Variants in STIL observed in about 807,000 individuals in gnomAD.
STIL encodes STIL centriolar assembly protein, also known as SCL-interrupting locus protein.
STIL carries 55 observed loss-of-function variants against 110.1 expected under a neutral mutation model. That is an observed-to-expected ratio of 0.50 (90% CI 0.40 to 0.63). STIL has a LOEUF of 0.63. STIL is among the 20% of genes least tolerant of loss of function. The pLI, the probability that STIL is intolerant of heterozygous loss-of-function variation, is 0.00. For synonymous variants in STIL, 481 were observed against 530.0 expected, an observed-to-expected ratio of 0.91 and a Z score of 1.27; for missense variants, 1,358 against 1,530.0, an observed-to-expected ratio of 0.89 and a Z score of 1.87.
At chr1:47,270,251 T>TACACACACACAC (rs1223004051) in intron 13 of STIL, among the ~76,000 whole-genome samples, 134 of 119,192 alleles carry the variant, frequency 1.1e-3, no homozygotes, top group Non-Finnish European at 1.7e-3. Context: ...AATATATATA[T>TACACACACACAC]ATATACACAC....
intron 2 of STIL, among the ~76,000 whole-genome samples, chr1:47,309,422 T>A (rs1478608371): frequency 2.0e-5 from 3 of 151,946 alleles, no homozygotes; most frequent in African/African-American, 7.3e-5. Context: ...ATAAGCCACC[T>A]TGCCCACCGA....
At position 47,288,024 on chromosome 1, in the gene STIL, G is replaced by T. The variant is rs1185975269; in HGVS notation, c.1024-364C>A. ...AAATGTATATAATATATAATATAAA[G>T]GTATTTTATATATAACATATATGTA... is the stretch of plus-strand genomic sequence containing the variant. On this transcript the variant is annotated intron_variant, in intron 9 of 16. Coordinates refer to ENST00000371877, the MANE Select transcript of STIL (RefSeq NM_001048166.1). Among the ~76,000 whole-genome samples the T allele has an allele frequency of 4.1e-5, 6 of 145,978 alleles. No individual in the cohort carries two copies. In the South Asian group the frequency reaches 6.4e-4, roughly 15 times the overall value.
At position 47,293,472 on chromosome 1, in the gene STIL, A is replaced by C. The variant is rs1645552928; in HGVS notation, c.858T>G (p.Ser286=). Residue 286 remains serine, a synonymous_variant, in exon 8 of 17, where the codon TCT becomes TCG. Coordinates refer to ENST00000371877, the MANE Select transcript of STIL (RefSeq NM_001048166.1). ...ATATCACTTGCCTTTCTTGAACAGA[A>C]GAATTGAATATGTATCGCAAACAGC... The part of the protein sequence containing the change: ...WACCLRYIFN[S]SVQERVFSES... 2 of 1,613,014 alleles carry C rather than the reference A, an allele frequency of 1.2e-6. No homozygotes were observed. The highest frequency in any genetic ancestry group is 2.2e-5 in the South Asian group (2 of 91,064).
Position 47,285,933 on chromosome 1 carries a change from G to A in STIL, c.1133+1618C>T, listed in dbSNP as rs190015736. Among the ~76,000 whole-genome samples, 9 of 151,968 alleles carry A rather than the reference G, an allele frequency of 5.9e-5. No individual in the cohort carries two copies. The East Asian group carries it at 1.7e-3, about 29-fold the overall frequency. On this transcript the variant is annotated intron_variant, in intron 10 of 16. Transcript: ENST00000371877. Reference sequence around the variant, plus strand: ...TCTGTTGCCCAGGCTGAAGTGCAGTGGCGCAATCTCAGCTCACTGCAACCT... The same window carrying A: ...TCTGTTGCCCAGGCTGAAGTGCAGTAGCGCAATCTCAGCTCACTGCAACCT...
chr1:47,259,131 C>T (rs375260978), intron 16 of STIL, among the ~76,000 whole-genome samples: 2 of 150,386 alleles, frequency 1.3e-5, no homozygotes, highest in Non-Finnish European at 1.5e-5. Flanking sequence ...GGACTACAGG[C>T]GCCCACCACC....
chr1:47,280,573 T>C lies in STIL; in HGVS notation c.1885A>G (p.Ile629Val), dbSNP rs1383739551. ...AGGGCTTCAGACTGGACATCTTGAATGGATCCAACTGTGTTTGCTCCTTGC... is the reference window on the plus strand; with the variant it reads ...AGGGCTTCAGACTGGACATCTTGAACGGATCCAACTGTGTTTGCTCCTTGC... ...SWQGANTVGSIQDVQSEALQK... is the reference protein window; with the variant it reads ...SWQGANTVGSVQDVQSEALQK... The change falls in exon 12 of 17, where the codon ATT (isoleucine) becomes GTT (valine). Residue 629 changes from isoleucine to valine, a missense_variant. Physicochemically the swap from Ile to Val is conservative, Grantham distance 29. Transcript: ENST00000371877. 1.9e-6 allele frequency: 3 copies of C among 1,614,162 alleles called. No individual in the cohort carries two copies. Among genetic ancestry groups the C allele is most frequent in the Non-Finnish European group, 2.5e-6 (3 of 1,180,056 alleles).
At chr1:47,296,740 G>A (rs1251841563) in intron 6 of STIL, among the ~76,000 whole-genome samples, 4 of 152,130 alleles carry the variant, frequency 2.6e-5, no homozygotes, top group Non-Finnish European at 4.4e-5. Flanking sequence ...CTTGAACCCA[G>A]GAAGCAGAGG....
At chr1:47,287,524 A>G in intron 10 of STIL, 27 bp downstream of exon 10, 1 of 1,430,072 alleles carries the variant, frequency 7.0e-7, no homozygotes, top group Non-Finnish European at 9.7e-7. Context: ...AAAAAAACAC[A>G]CACATAATAA....
At position 47,311,747 on chromosome 1, in the gene STIL, G is replaced by A. The variant is rs140235852; in HGVS notation, c.-43-1385C>T. 7.9e-3 allele frequency among the ~76,000 whole-genome samples: 1,208 copies of A among 152,186 alleles called. 13 individuals carry two copies. Among genetic ancestry groups the A allele is most frequent in the African/African-American group, 0.027 (1,134 of 41,522 alleles). On this transcript the variant is annotated intron_variant, in intron 1 of 16. Coordinates refer to ENST00000371877, the MANE Select transcript of STIL (RefSeq NM_001048166.1). ...CCTGCACATTCTGTATCAATTCTAGGAAAAAGAAACTGTCTAAGGCCAGGT... is the reference window on the plus strand; with the variant it reads ...CCTGCACATTCTGTATCAATTCTAGAAAAAAGAAACTGTCTAAGGCCAGGT...
intron 11 of STIL, 78 bp downstream of exon 11, chr1:47,282,267 G>A (rs1174052531): frequency 1.2e-6 from 1 of 859,292 alleles, no homozygotes; most frequent in Non-Finnish European, 2.0e-6. Context: ...GTTTCAGGTA[G>A]TATTATTTAG....
intron 12 of STIL, among the ~76,000 whole-genome samples, chr1:47,277,183 G>A (rs1254636523): frequency 6.6e-6 from 1 of 152,086 alleles, no homozygotes; most frequent in African/African-American, 2.4e-5. Context: ...GGTCCAAGGA[G>A]GAATATTTCA....
In STIL at chr1:47,280,622, A is replaced by C. The variant is rs1645130693; in HGVS notation, c.1836T>G (p.Ile612Met). 1.2e-6 allele frequency: 2 copies of C among 1,614,222 alleles called. No homozygotes were observed. Among genetic ancestry groups the C allele is most frequent in the Non-Finnish European group, 1.7e-6 (2 of 1,180,050 alleles). The change falls in exon 12 of 17, where the codon ATT becomes ATG. Residue 612 changes from isoleucine to methionine, a missense_variant. Physicochemically the swap from Ile to Met is conservative, Grantham distance 10. Coordinates refer to ENST00000371877, the MANE Select transcript of STIL (RefSeq NM_001048166.1). ...VCRCCQHHSH[I>M]QYSPLNSWQG... ...GCCAAGAATTTAGCGGACTATATTG[A>C]ATATGACTATGATGCTGACAACACC...
Position 47,287,443 on chromosome 1 carries a change from G to T in STIL, c.1133+108C>A, listed in dbSNP as rs1168710078. The stretch of plus-strand genomic sequence containing the variant: ...AAACAAAGACATTTATGGTACATAA[G>T]ATTTAAAAAATCATTTCATCAGAAA... On this transcript the variant is annotated intron_variant, in intron 10 of 16. Transcript: ENST00000371877. The T allele has an allele frequency of 1.2e-5, 9 of 733,418 alleles. No individual in the cohort carries two copies. The East Asian group carries it at 2.5e-4, about 20-fold the overall frequency. The allele number at this position is 733,418 out of a possible 1,614,324, so 45.4% of individuals were successfully genotyped here.
chr1:47,287,684 T>A (rs1211203683), intron 9 of STIL, 24 bp from the exon 10 acceptor site: 17 of 1,562,728 alleles, frequency 1.1e-5, no homozygotes, highest in Non-Finnish European at 1.5e-5. Context: ...GGTCATATTT[T>A]GAGATCTGAC....
rs1156471361 is a variant in STIL at position 47,250,818 on chromosome 1, CA to C, written c.*317del. ...GGGCTACAAGAGCAAAACTCCGTCT[CA>C]AAAAAAAAAGTACAGTATAAAAGAG... On this transcript the variant is annotated 3_prime_UTR_variant, in exon 17 of 17. Transcript: ENST00000371877. 796 of 225,846 alleles carry C rather than the reference CA, an allele frequency of 3.5e-3. No homozygotes were observed. Among genetic ancestry groups the C allele is most frequent in the Non-Finnish European group, 4.7e-3 (548 of 115,370 alleles). 14.0% of individuals were successfully genotyped at this position (225,846 alleles called of 1,614,324 possible).
chr1:47,275,186 T>A (rs1044592257), intron 12 of STIL, among the ~76,000 whole-genome samples: 2 of 151,474 alleles, frequency 1.3e-5, no homozygotes, highest in Non-Finnish European at 2.9e-5. Flanking sequence ...CTCTAAATCA[T>A]TCGTAAAAAG....
At chr1:47,300,868 C>T (rs1247659696) in intron 5 of STIL, among the ~76,000 whole-genome samples, 1 of 152,152 alleles carries the variant, frequency 6.6e-6, no homozygotes, top group Non-Finnish European at 1.5e-5. Flanking sequence ...TGTATTTGCC[C>T]ATGCCCACTG....
chr1:47,281,172 A>G lies in STIL; in HGVS notation c.1286T>C (p.Leu429Pro). The G allele has an allele frequency of 1.2e-6, 2 of 1,613,772 alleles. No homozygotes were observed. The highest frequency in any genetic ancestry group is 1.7e-6 in the Non-Finnish European group (2 of 1,179,928). ...TTCTATGAAATTGCCATCCAACACAAGTGAAAGTTCAGGAACTGATGGTTG... is the reference window on the plus strand; with the variant it reads ...TTCTATGAAATTGCCATCCAACACAGGTGAAAGTTCAGGAACTGATGGTTG... ...KIQPSVPELS[L>P]VLDGNFIESN... Residue 429 changes from leucine to proline, a missense_variant, in exon 12 of 17, where the codon CTT becomes CCT. By Grantham distance (98) the Leu-to-Pro change is moderately conservative. Coordinates refer to ENST00000371877, the MANE Select transcript of STIL (RefSeq NM_001048166.1).
At chr1:47,269,888 A>G in intron 13 of STIL, 22 bp from the exon 14 acceptor site, 1 of 1,587,116 alleles carries the variant, frequency 6.3e-7, no homozygotes, top group Non-Finnish European at 8.7e-7. Flanking sequence ...ATAATTTAAG[A>G]TACTGAAACA....
Sources: allele counts gnomAD v4.1 joint callset (sites outside exome capture counted in the v4.1 genomes callset), GRCh38; gene constraint gnomAD v4.1.1; transcripts MANE v1.5; gene names NCBI Gene and HGNC (gene_info 2026-07-23, HGNC 2026-07-21).